The following GABRG1 variants were observed in gnomAD, a reference collection of about 807,000 sequenced individuals.
GABRG1 encodes the protein gamma-aminobutyric acid receptor subunit gamma-1.
A neutral mutation model predicts 49.8 loss-of-function variants in GABRG1; 49 were observed. The observed-to-expected ratio is 0.98, with a 90% CI of 0.78 to 1.25. The LOEUF is 1.25. Ranked by LOEUF, GABRG1 falls within the 50% of genes most tolerant of loss-of-function variation. GABRG1 has a pLI of 0.00. For missense variants in GABRG1, 552 were observed against 552.3 expected (o/e 1.00, Z 0.01); for synonymous variants, 232 against 185.1 (o/e 1.25, Z -2.06).
Position 46,121,855 on chromosome 4 carries a change from A to T in GABRG1, c.104+1955T>A, listed in dbSNP as rs987784071. Among the ~76,000 whole-genome samples, 7 of 152,096 alleles carry T rather than the reference A, an allele frequency of 4.6e-5. No homozygotes were observed. In the East Asian group the frequency reaches 1.3e-3, roughly 29 times the overall value. On this transcript the variant is annotated intron_variant, in intron 1 of 8. Transcript: ENST00000295452. ...CTACATTACTATGACAATAAAAATT[A>T]TGTGTTAACTGTACAATACCTTCCT...
chr4:46,095,236 G>T (rs1423859214), intron 2 of GABRG1, among the ~76,000 whole-genome samples: 1 of 151,708 alleles, frequency 6.6e-6, no homozygotes, highest in Non-Finnish European at 1.5e-5. Context: ...AAGTCAGAGA[G>T]AATATTGTGC....
At position 46,058,370 on chromosome 4, in the gene GABRG1, C is replaced by T; in HGVS notation, c.764-1G>A. 1 of 1,600,750 alleles carries T rather than the reference C, an allele frequency of 6.2e-7. No homozygotes were observed. Among genetic ancestry groups the T allele is most frequent in the Non-Finnish European group, 8.5e-7 (1 of 1,175,652 alleles). On this transcript the variant is annotated splice_acceptor_variant, in intron 6 of 8. Coordinates refer to ENST00000295452, the MANE Select transcript of GABRG1 (RefSeq NM_173536.4). LOFTEE classifies it high-confidence loss of function. ...AAAATTGTCATGATAACATAATCCC[C>T]TGTAAGAAAAAAAAGTTTTATTTTG... is the stretch of plus-strand genomic sequence containing the variant.
chr4:46,092,209 C>T (rs1392988012), intron 2 of GABRG1, among the ~76,000 whole-genome samples: 6 of 151,848 alleles, frequency 4.0e-5, no homozygotes, highest in Non-Finnish European at 1.5e-5. Context: ...GAATTAACAC[C>T]AGAAATGATA....
chr4:46,104,005 G>A (rs1468217741), intron 1 of GABRG1, among the ~76,000 whole-genome samples: 1 of 151,310 alleles, frequency 6.6e-6, no homozygotes, highest in Non-Finnish European at 1.5e-5. Flanking sequence ...AGTGTTTGAA[G>A]TAAGAGCACG....
intron 1 of GABRG1, 50 bp downstream of exon 1, chr4:46,123,760 G>C (rs1721168094): frequency 7.6e-7 from 1 of 1,320,990 alleles, no homozygotes; most frequent in South Asian, 1.2e-5. Flanking sequence ...GGGAATAAGG[G>C]GAAAGGGGTA....
Position 46,048,590 on chromosome 4 carries a change from A to AGAAG in GABRG1, c.1131+2830_1131+2833dup, listed in dbSNP as rs548887445. Reference sequence around the variant, plus strand: ...TGTTTAAGTAACCTTCTTACTGGAAAGAAGGAAGGAAGGAAGGAAGGAGAA... The same window carrying AGAAG: ...TGTTTAAGTAACCTTCTTACTGGAAAGAAGGAAGGAAGGAAGGAAGGAAGGAGAA... On this transcript the variant is annotated intron_variant, in intron 8 of 8. Coordinates refer to ENST00000295452, the MANE Select transcript of GABRG1 (RefSeq NM_173536.4). Among the ~76,000 whole-genome samples, 1,384 of 147,988 alleles carry AGAAG rather than the reference A, an allele frequency of 9.4e-3. 8 individuals are homozygous for AGAAG. The highest frequency in any genetic ancestry group is 0.016 in the Non-Finnish European group (1,079 of 66,586).
chr4:46,108,049 GA>G (rs1417110660), intron 1 of GABRG1, among the ~76,000 whole-genome samples: 4 of 151,168 alleles, frequency 2.6e-5, no homozygotes, highest in Non-Finnish European at 5.9e-5. Flanking sequence ...ATATTTGTCA[GA>G]AGGAACATTA....
At chr4:46,088,607 T>A (rs1169659899) in intron 2 of GABRG1, among the ~76,000 whole-genome samples, 1 of 152,002 alleles carries the variant, frequency 6.6e-6, no homozygotes, top group African/African-American at 2.4e-5. Context: ...TGCAAGCATC[T>A]GGAAGCTTCA....
chr4:46,058,708 C>T (rs544263165), intron 5 of GABRG1, 86 bp from the exon 6 acceptor site: 2 of 987,274 alleles, frequency 2.0e-6, no homozygotes, highest in South Asian at 3.3e-5. Context: ...ATTCTTGGAA[C>T]TTTCTCCTCT....
At chr4:46,077,358 A>G (rs1719389363) in intron 3 of GABRG1, among the ~76,000 whole-genome samples, 1 of 152,032 alleles carries the variant, frequency 6.6e-6, no homozygotes, top group Non-Finnish European at 1.5e-5. Context: ...ATAGAAAAAC[A>G]TAATACTATA....
At chr4:46,074,126 G>A (rs1719240118) in intron 3 of GABRG1, among the ~76,000 whole-genome samples, 2 of 152,130 alleles carry the variant, frequency 1.3e-5, no homozygotes, top group African/African-American at 4.8e-5. Flanking sequence ...CTATCCACAT[G>A]TGCAACATTT....
chr4:46,040,906 T>C lies in GABRG1; in HGVS notation c.*82A>G. The C allele has an allele frequency of 7.2e-7, 1 of 1,388,478 alleles. No individual in the cohort carries two copies. The highest frequency in any genetic ancestry group is 9.8e-7 in the Non-Finnish European group (1 of 1,017,136). 86.0% of individuals were successfully genotyped at this position (1,388,478 alleles called of 1,614,324 possible). On this transcript the variant is annotated 3_prime_UTR_variant, in exon 9 of 9. Transcript: ENST00000295452. ...ACCATTGGTCTCTCTGCATTTTAAA[T>C]TTAAACTTCAAGTTACTGAAGCACA...
At position 46,040,013 on chromosome 4, in the gene GABRG1, T is replaced by A. The variant is rs911889355; in HGVS notation, c.*975A>T. The A allele has an allele frequency of 2.0e-5, 3 of 151,900 alleles. No individual in the cohort carries two copies. The highest frequency in any genetic ancestry group is 7.2e-5 in the African/African-American group (3 of 41,434). The allele number at this position is 151,900 out of a possible 1,614,324, so 9.4% of individuals were successfully genotyped here. ...TGCTAATAGCACATATTTAAGATTT[T>A]GTCCTCAATATGACCGGCAACTCAG... On this transcript the variant is annotated 3_prime_UTR_variant, in exon 9 of 9. Transcript: ENST00000295452.
intron 1 of GABRG1, among the ~76,000 whole-genome samples, chr4:46,098,105 T>C (rs1720244618): frequency 1.3e-5 from 2 of 151,758 alleles, no homozygotes; most frequent in Admixed American, 6.6e-5. Context: ...CACAAATCTA[T>C]TTATCAGCAA....
chr4:46,102,238 C>A (rs562119482), intron 1 of GABRG1, among the ~76,000 whole-genome samples: 4 of 151,728 alleles, frequency 2.6e-5, no homozygotes, highest in Admixed American at 6.6e-5. Context: ...AACATAGCTG[C>A]CTGCCAGTAC....
chr4:46,056,477 C>T (rs1267593798), intron 7 of GABRG1, among the ~76,000 whole-genome samples: 1 of 152,034 alleles, frequency 6.6e-6, no homozygotes, highest in Non-Finnish European at 1.5e-5. Context: ...TCTATTGAGA[C>T]TCCACAATAT....
Position 46,097,352 on chromosome 4 carries a change from A to G in GABRG1, c.105-3T>C. ...CTTCATCATCTGCCTTATCAACACT[A>G]AATAATTCAAAGAAAAAAATGGATG... On this transcript the variant is annotated splice_polypyrimidine_tract_variant and splice_region_variant and intron_variant, in intron 1 of 8. Transcript: ENST00000295452. The G allele has an allele frequency of 6.3e-7, 1 of 1,599,022 alleles. No homozygotes were observed. The highest frequency in any genetic ancestry group is 8.5e-7 in the Non-Finnish European group (1 of 1,173,884).
At chr4:46,064,048 A>C (rs1718814910) in intron 5 of GABRG1, among the ~76,000 whole-genome samples, 1 of 152,164 alleles carries the variant, frequency 6.6e-6, no homozygotes, top group South Asian at 2.1e-4. Context: ...TTTTTGAAAC[A>C]CATTTCAAAA....
At chr4:46,076,456 T>C (rs1344393000) in intron 3 of GABRG1, among the ~76,000 whole-genome samples, 1 of 147,082 alleles carries the variant, frequency 6.8e-6, no homozygotes, top group Admixed American at 6.9e-5. Context: ...TTTTTATTAT[T>C]AGCAAAGTCA....
Sources: gnomAD v4.1 joint callset for allele counts (sites outside exome capture counted in the v4.1 genomes callset) on GRCh38, gnomAD v4.1.1 for gene constraint, MANE v1.5 for transcripts, NCBI Gene and HGNC (gene_info 2026-07-23, HGNC 2026-07-21) for gene names.